Variants in NCOA3 observed in about 807,000 individuals in gnomAD.
NCOA3 encodes nuclear receptor coactivator 3, also known as CBP-interacting protein.
In NCOA3, 51 loss-of-function variants were observed where a neutral mutation model predicts 158.8. That is an observed-to-expected ratio of 0.32 (90% CI 0.26 to 0.41). NCOA3 has a LOEUF of 0.41. Among genes scored for constraint, NCOA3 ranks in the 10% least tolerant of loss-of-function variants. The pLI, the probability that NCOA3 is intolerant of heterozygous loss-of-function variation, is 1.00. For synonymous variants in NCOA3, 537 were observed against 592.4 expected (o/e 0.91, Z 1.36); for missense variants, 1,510 against 1,746.6 (o/e 0.86, Z 2.41).
chr20:47,652,732 C>A, intron 21 of NCOA3, 152 bp downstream of exon 21: 1 of 939,786 alleles, frequency 1.1e-6, no homozygotes, highest in Admixed American at 2.6e-5. Flanking sequence ...TTTTGAGAGT[C>A]CTTCAAGCAC....
intron 2 of NCOA3, among the ~76,000 whole-genome samples, chr20:47,609,630 G>A (rs1392560675): frequency 1.3e-5 from 2 of 151,936 alleles, no homozygotes; most frequent in Admixed American, 6.6e-5. Context: ...TCAGGAGGCC[G>A]AGGCAGGGGA....
intron 1 of NCOA3, among the ~76,000 whole-genome samples, chr20:47,569,515 C>T (rs1481106092): frequency 6.6e-6 from 1 of 151,336 alleles, no homozygotes; most frequent in African/African-American, 2.4e-5. Context: ...CCCTGCCTGT[C>T]TCTATTAAAA....
At chr20:47,505,912 G>C (rs908117694) in intron 1 of NCOA3, among the ~76,000 whole-genome samples, 1 of 149,182 alleles carries the variant, frequency 6.7e-6, no homozygotes, top group African/African-American at 2.5e-5. Context: ...AGCGATTCTC[G>C]TGCTTCAGCC....
intron 9 of NCOA3, 31 bp downstream of exon 9, chr20:47,633,667 C>T (rs2086459683): frequency 6.3e-7 from 1 of 1,598,432 alleles, no homozygotes; most frequent in Non-Finnish European, 8.5e-7. Flanking sequence ...TTGTTCTTAT[C>T]ATTTTATTCT....
intron 2 of NCOA3, among the ~76,000 whole-genome samples, chr20:47,591,038 G>T (rs939697501): frequency 6.6e-6 from 1 of 150,648 alleles, no homozygotes; most frequent in African/African-American, 2.4e-5. Flanking sequence ...GAACCCCAGG[G>T]GGCAGAGGCT....
chr20:47,649,563 A>T (rs902935284), intron 19 of NCOA3, among the ~76,000 whole-genome samples: 9 of 152,130 alleles, frequency 5.9e-5, no homozygotes, highest in African/African-American at 2.2e-4. Flanking sequence ...GTAGGAGGGG[A>T]TATTAAAATT....
At chr20:47,569,354 C>A (rs1217045857) in intron 1 of NCOA3, among the ~76,000 whole-genome samples, 4 of 150,746 alleles carry the variant, frequency 2.7e-5, no homozygotes, top group African/African-American at 9.8e-5. Context: ...CTCCCCACCC[C>A]ATACCGTCCC....
intron 1 of NCOA3, among the ~76,000 whole-genome samples, chr20:47,514,713 CTTTTT>C (rs143888226): frequency 3.8e-5 from 4 of 104,998 alleles, no homozygotes; most frequent in Non-Finnish European, 3.9e-5. Context: ...TTGTTTTTTG[CTTTTT>C]TTTTTTTTTT....
intron 2 of NCOA3, among the ~76,000 whole-genome samples, chr20:47,605,867 G>C (rs1006715774): frequency 6.6e-6 from 1 of 152,180 alleles, no homozygotes. Context: ...GCATTTCTCT[G>C]TTATCCTTTC....
intron 20 of NCOA3, 91 bp from the exon 21 acceptor site, chr20:47,652,315 T>G (rs982213350): frequency 8.1e-7 from 1 of 1,235,956 alleles, no homozygotes; most frequent in Admixed American, 2.3e-5. Context: ...CCCCACCTCC[T>G]TTAAAAAAAA....
intron 1 of NCOA3, among the ~76,000 whole-genome samples, chr20:47,536,811 T>G (rs536605108): frequency 6.6e-6 from 1 of 150,858 alleles, no homozygotes; most frequent in African/African-American, 2.4e-5. Context: ...TTTTCTTTTT[T>G]TTTTTTTTTT....
At chr20:47,543,140 T>C (rs2084772639) in intron 1 of NCOA3, among the ~76,000 whole-genome samples, 1 of 152,172 alleles carries the variant, frequency 6.6e-6, no homozygotes, top group Admixed American at 6.5e-5. Context: ...GGTGGCTTAC[T>C]CAGTGACCAT....
At chr20:47,555,377 TC>T (rs1338841675) in intron 1 of NCOA3, among the ~76,000 whole-genome samples, 2 of 152,212 alleles carry the variant, frequency 1.3e-5, no homozygotes, top group African/African-American at 4.8e-5. Flanking sequence ...TGATCTTCCA[TC>T]TTTCTTTTAC....
intron 1 of NCOA3, among the ~76,000 whole-genome samples, chr20:47,520,214 T>C (rs1293217126): frequency 1.3e-5 from 2 of 152,120 alleles, no homozygotes. Flanking sequence ...AATTAGAGGT[T>C]TTAAATTTAA....
At chr20:47,565,886 G>A (rs2085185880) in intron 1 of NCOA3, among the ~76,000 whole-genome samples, 1 of 152,158 alleles carries the variant, frequency 6.6e-6, no homozygotes, top group Non-Finnish European at 1.5e-5. Flanking sequence ...TAAAAGTGAT[G>A]TTGTATACTA....
chr20:47,522,229 A>G (rs2084351561), intron 1 of NCOA3, among the ~76,000 whole-genome samples: 2 of 148,552 alleles, frequency 1.3e-5, no homozygotes, highest in Non-Finnish European at 3.0e-5. Context: ...CAGCCTCCGG[A>G]GTAGCCGGGA....
chr20:47,603,791 T>C (rs1048320288), intron 2 of NCOA3, among the ~76,000 whole-genome samples: 3 of 152,198 alleles, frequency 2.0e-5, no homozygotes, highest in South Asian at 2.1e-4. Context: ...TTCTCTGCCG[T>C]GCCATTCTGC....
rs369242572 is a variant in NCOA3 at position 47,585,035 on chromosome 20, C to A, written c.-20+1774C>A. Among the ~76,000 whole-genome samples, 5 of 147,004 alleles carry A rather than the reference C, an allele frequency of 3.4e-5. 1 individual carries two copies. Among genetic ancestry groups the A allele is most frequent in the African/African-American group, 1.2e-4 (5 of 40,176 alleles). ...GCTGGCAAATAACATTTCATCTAAC[C>A]CCTTTCTTAACTTTTTTTTTTTTTT... On this transcript the variant is annotated intron_variant, in intron 2 of 22. Coordinates refer to ENST00000371998, the MANE Select transcript of NCOA3 (RefSeq NM_181659.3).
chr20:47,585,046 C>CTTTTTTTTTT (rs11473989), intron 2 of NCOA3, among the ~76,000 whole-genome samples: 18 of 91,320 alleles, frequency 2.0e-4, no homozygotes, highest in East Asian at 1.0e-3. Flanking sequence ...CCTTTCTTAA[C>CTTTTTTTTTT]TTTTTTTTTT....
Sources: gnomAD v4.1 joint callset for allele counts (sites outside exome capture counted in the v4.1 genomes callset) on GRCh38, gnomAD v4.1.1 for gene constraint, MANE v1.5 for transcripts, NCBI Gene and HGNC (gene_info 2026-07-23, HGNC 2026-07-21) for gene names.